PPP2R2D: variants seen among roughly 807,000 people sequenced by gnomAD.
PPP2R2D encodes protein phosphatase 2 regulatory subunit Bdelta.
A neutral mutation model predicts 31.1 loss-of-function variants in PPP2R2D; 9 were observed. The ratio of observed to expected loss-of-function variants is 0.29; its 90% CI spans 0.17 to 0.51. PPP2R2D has a LOEUF of 0.51. Ranked by LOEUF, PPP2R2D falls within the 20% of genes least tolerant of loss-of-function variation. PPP2R2D has a pLI of 0.98. For synonymous variants in PPP2R2D, 179 were observed against 172.6 expected (o/e 1.04, Z -0.29); for missense variants, 391 against 465.6 (o/e 0.84, Z 1.48).
chr10:131,911,116 A>T (rs36138182), intron 2 of PPP2R2D, among the ~76,000 whole-genome samples: 1 of 152,168 alleles, frequency 6.6e-6, no homozygotes, highest in Non-Finnish European at 1.5e-5. Flanking sequence ...AGTCAGAAGC[A>T]CAAGTAACAC....
downstream of PPP2R2D, among the ~76,000 whole-genome samples, chr10:131,960,294 A>G (rs1003797814): frequency 2.0e-5 from 3 of 152,324 alleles, no homozygotes; most frequent in African/African-American, 7.2e-5. Context: ...TCTGAAGGTT[A>G]ATGCTGAGCA....
rs2036865503 is a variant in PPP2R2D at position 131,958,646 on chromosome 10, C to A, written c.*2683C>A. ...GTGGAGATGGAGGTGTGTGCTGATCCCCCATCCCCCTGTGGAGATGAAGAT... is the reference window on the plus strand; with the variant it reads ...GTGGAGATGGAGGTGTGTGCTGATCACCCATCCCCCTGTGGAGATGAAGAT... On this transcript the variant is annotated 3_prime_UTR_variant, in exon 9 of 9. Coordinates refer to ENST00000455566, the MANE Select transcript of PPP2R2D (RefSeq NM_018461.5). 4.1e-6 allele frequency: 1 copy of A among 242,600 alleles called. No homozygotes were observed. The highest frequency in any genetic ancestry group is 1.5e-4 in the East Asian group (1 of 6,580). The allele number at this position is 242,600 out of a possible 1,614,324, so 15.0% of individuals were successfully genotyped here.
intron 2 of PPP2R2D, among the ~76,000 whole-genome samples, chr10:131,916,309 C>T (rs373351823): frequency 6.6e-6 from 1 of 150,604 alleles, no homozygotes; most frequent in South Asian, 2.1e-4. Context: ...AAATGTGACA[C>T]CCAGGTTGGC....
chr10:131,933,749 A>C (rs1490503258), intron 2 of PPP2R2D, among the ~76,000 whole-genome samples: 2 of 151,958 alleles, frequency 1.3e-5, no homozygotes, highest in Non-Finnish European at 2.9e-5. Flanking sequence ...CTCCCTTCCC[A>C]ACCCGAAGGG....
intron 2 of PPP2R2D, among the ~76,000 whole-genome samples, chr10:131,921,999 A>T (rs538024629): frequency 1.4e-4 from 21 of 152,336 alleles, no homozygotes; most frequent in African/African-American, 4.8e-4. Flanking sequence ...TCAGCATGGC[A>T]TGAGGGAAAT....
At chr10:131,916,939 A>C (rs1207492337) in intron 2 of PPP2R2D, among the ~76,000 whole-genome samples, 1 of 149,538 alleles carries the variant, frequency 6.7e-6, no homozygotes, top group African/African-American at 2.5e-5. Context: ...GTGGAATGAC[A>C]CAGCGTTTGT....
chr10:131,967,003 C>T, the PPP2R2D span: 1 of 152,070 alleles, frequency 6.6e-6, no homozygotes, highest in Non-Finnish European at 1.5e-5. Context: ...GCCTCAGCCT[C>T]CCAAGTAGCT....
At chr10:131,966,320 T>C in the PPP2R2D span, 2 of 152,240 alleles carry the variant, frequency 1.3e-5, no homozygotes, top group African/African-American at 2.4e-5. Context: ...ATAAACTTAA[T>C]GATTAAAATG....
In PPP2R2D at chr10:131,958,320, C is replaced by A; in HGVS notation, c.*2357C>A. On this transcript the variant is annotated 3_prime_UTR_variant, in exon 9 of 9. Transcript: ENST00000455566. ...TGAAGGTGTGTGCTGATCCCCCATC[C>A]CCCTGTGGAGATGAAGGGGTGTGCT... The A allele has an allele frequency of 4.8e-6, 1 of 207,228 alleles. No individual in the cohort carries two copies. The highest frequency in any genetic ancestry group is 6.1e-5 in the Admixed American group (1 of 16,516). 12.8% of individuals were successfully genotyped at this position (207,228 alleles called of 1,614,324 possible).
downstream of PPP2R2D, among the ~76,000 whole-genome samples, chr10:131,963,538 T>C (rs2036947140): frequency 6.6e-6 from 1 of 152,166 alleles, no homozygotes; most frequent in Non-Finnish European, 1.5e-5. Context: ...CTGGCTGTCC[T>C]CACTGCGCGC....
At chr10:131,930,349 C>T (rs1243851655) in intron 2 of PPP2R2D, among the ~76,000 whole-genome samples, 1 of 152,214 alleles carries the variant, frequency 6.6e-6, no homozygotes, top group East Asian at 1.9e-4. Context: ...CTGCTGGCCG[C>T]CTGGCTCATG....
chr10:131,955,784 C>A lies in PPP2R2D; in HGVS notation c.1183C>A (p.Arg395Ser), dbSNP rs868909200. ...LEASRESSKP[R>S]ASLKPRKVCT... is the part of the protein sequence containing the mutation. The stretch of plus-strand genomic sequence containing the variant: ...GGCCTCGAGAGAGAGCAGCAAACCG[C>A]GCGCCAGCCTCAAACCCCGGAAGGT... The change falls in exon 9 of 9, where the codon CGC becomes AGC. Residue 395 changes from arginine to serine, a missense_variant. Physicochemically the swap from Arg to Ser is moderately radical, Grantham distance 110. Transcript: ENST00000455566. The A allele has an allele frequency of 1.3e-6, 2 of 1,593,752 alleles. No individual in the cohort carries two copies. Among genetic ancestry groups the A allele is most frequent in the East Asian group, 4.6e-5 (2 of 43,648 alleles).
At chr10:131,936,079 C>T (rs1310856227) in intron 3 of PPP2R2D, among the ~76,000 whole-genome samples, 2 of 152,054 alleles carry the variant, frequency 1.3e-5, no homozygotes, top group Non-Finnish European at 2.9e-5. Flanking sequence ...AAAAAAGAAC[C>T]ATACACCTTA....
At chr10:131,926,864 T>C (rs2036116653) in intron 2 of PPP2R2D, among the ~76,000 whole-genome samples, 1 of 152,092 alleles carries the variant, frequency 6.6e-6, no homozygotes, top group Non-Finnish European at 1.5e-5. Context: ...GAGAAGTGAT[T>C]GGGTGGGTAA....
intron 2 of PPP2R2D, among the ~76,000 whole-genome samples, chr10:131,932,606 G>T (rs1382669188): frequency 3.6e-5 from 5 of 137,988 alleles, no homozygotes; most frequent in African/African-American, 1.4e-4. Context: ...GATGGAGGTT[G>T]CGGTGAGCCA....
chr10:131,912,891 C>G (rs1404602399), intron 2 of PPP2R2D, among the ~76,000 whole-genome samples: 7 of 152,194 alleles, frequency 4.6e-5, no homozygotes, highest in African/African-American at 1.7e-4. Flanking sequence ...GGCAGACATC[C>G]AGGAGTGGGT....
downstream of PPP2R2D, among the ~76,000 whole-genome samples, chr10:131,964,662 C>CA (rs1302346517): frequency 1.8e-5 from 2 of 113,926 alleles, no homozygotes; most frequent in East Asian, 6.5e-4. Flanking sequence ...CAAGAGTTTA[C>CA]TATGTTTTTT....
chr10:131,951,998 G>A (rs994036854), intron 8 of PPP2R2D, among the ~76,000 whole-genome samples: 1 of 151,698 alleles, frequency 6.6e-6, no homozygotes, highest in Admixed American at 6.6e-5. Context: ...TGTGCAGAGG[G>A]GTCACTCTCT....
At chr10:131,955,092 A>G (rs556409675) in intron 8 of PPP2R2D, among the ~76,000 whole-genome samples, 215 of 152,364 alleles carry the variant, frequency 1.4e-3, no homozygotes, top group Non-Finnish European at 2.2e-3. Context: ...GAAAGCCATT[A>G]CAGTTGATCT....
Sources: gnomAD v4.1 joint callset for allele counts (sites outside exome capture counted in the v4.1 genomes callset) on GRCh38, gnomAD v4.1.1 for gene constraint, MANE v1.5 for transcripts, NCBI Gene and HGNC (gene_info 2026-07-23, HGNC 2026-07-21) for gene names.